The following DGKI variants were observed in gnomAD, a reference collection of about 807,000 sequenced individuals.
DGKI encodes DAG kinase iota.
In DGKI, 55 loss-of-function variants were observed where a neutral mutation model predicts 147.5. That is an observed-to-expected ratio of 0.37 (90% CI 0.30 to 0.47). The LOEUF (loss-of-function observed/expected upper bound fraction) is 0.47. Ranked by LOEUF, DGKI falls within the 20% of genes least tolerant of loss-of-function variation. The pLI, the probability that DGKI is intolerant of heterozygous loss-of-function variation, is 1.00. For synonymous variants in DGKI, 469 were observed against 477.1 expected (o/e 0.98, Z 0.22); for missense variants, 1,007 against 1,323.8 (o/e 0.76, Z 3.71).
intron 27 of DGKI, among the ~76,000 whole-genome samples, chr7:137,459,037 T>C (rs1354868579): frequency 1.3e-5 from 2 of 152,192 alleles, no homozygotes; most frequent in African/African-American, 4.8e-5. Flanking sequence ...GTATCCTACT[T>C]TGGAATTACA....
rs750514798 is a variant in DGKI, at chr7:137,552,516, A to C, written c.2000T>G (p.Val667Gly). Reference protein sequence around the residue: ...HGERLHQCREVMLLTYKSIPM... With the variant: ...HGERLHQCREGMLLTYKSIPM... ...GATGGATTTGTAAGTTAGAAGCATG[A>C]CTTCTCGACACTGGTGTAGCCTCTC... Residue 667 changes from valine (V) to glycine (G), a missense_variant, in exon 20 of 33, where the codon GTC (valine) becomes GGC (glycine). By Grantham distance (109) the Val-to-Gly change is moderately radical (BLOSUM62 -3). Coordinates refer to ENST00000614521, the MANE Select transcript of DGKI (RefSeq NM_001321708.2). 1.2e-6 allele frequency: 2 copies of C among 1,614,148 alleles called. No individual in the cohort carries two copies. The highest frequency in any genetic ancestry group is 2.7e-5 in the African/African-American group (2 of 75,014).
chr7:137,685,676 C>T (rs1436475295), intron 2 of DGKI, among the ~76,000 whole-genome samples: 2 of 152,170 alleles, frequency 1.3e-5, no homozygotes, highest in Admixed American at 6.5e-5. Context: ...ACTGGCTTGG[C>T]TGACAGGCAT....
chr7:137,833,451 C>G (rs867000425), intron 1 of DGKI, among the ~76,000 whole-genome samples: 12 of 152,174 alleles, frequency 7.9e-5, no homozygotes, highest in South Asian at 2.1e-4. Flanking sequence ...TATTCACTAT[C>G]ATGAGATCAT....
In DGKI at chr7:137,541,699, T is replaced by C. The variant is rs142424351; in HGVS notation, c.2147+10670A>G. 7.9e-5 allele frequency among the ~76,000 whole-genome samples: 12 copies of C among 152,198 alleles called. No individual in the cohort carries two copies. The East Asian group carries it at 2.3e-3, about 29-fold the overall frequency. ...TAAATGGTGCCAAATGCATTGGACATCCATATGCAAAAACATTAACCTCAA... is the reference window on the plus strand; with the variant it reads ...TAAATGGTGCCAAATGCATTGGACACCCATATGCAAAAACATTAACCTCAA... On this transcript the variant is annotated intron_variant, in intron 20 of 32. Transcript: ENST00000614521.
In DGKI at chr7:137,846,134, T is replaced by TTCTCTCTC. The variant is rs775814446; in HGVS notation, c.401+320_401+327dup. On this transcript the variant is annotated intron_variant, in intron 1 of 32. Coordinates refer to ENST00000614521, the MANE Select transcript of DGKI (RefSeq NM_001321708.2). The surrounding 1 kb of genome is among the most constrained non-coding windows in gnomAD (Gnocchi z 4.0). Reference sequence around the variant, plus strand: ...TCTGCAACCCTTTCTCTCTCTCTCTTTCTCTCTCTCTCTCTCTCTCTCTCT... The same window carrying TTCTCTCTC: ...TCTGCAACCCTTTCTCTCTCTCTCTTTCTCTCTCTCTCTCTCTCTCTCTCTCTCTCTCT... Among the ~76,000 whole-genome samples the TTCTCTCTC allele has an allele frequency of 0.15, 12,543 of 84,298 alleles. 1,313 individuals carry two copies. Among genetic ancestry groups the TTCTCTCTC allele is most frequent in the East Asian group, 0.29 (707 of 2,426 alleles). 55.3% of individuals were successfully genotyped at this position (84,298 alleles called of 152,430 possible). A position where few individuals can be genotyped will look rare whatever the true frequency, so the allele number is the denominator to read the frequency against.
At chr7:137,420,084 A>T (rs1251859681) in intron 28 of DGKI, among the ~76,000 whole-genome samples, 2 of 152,224 alleles carry the variant, frequency 1.3e-5, no homozygotes, top group Non-Finnish European at 2.9e-5. Flanking sequence ...GATCAGACAC[A>T]TGGCTAGTAA....
At chr7:137,702,432 C>T (rs1293533886) in intron 1 of DGKI, among the ~76,000 whole-genome samples, 1 of 152,176 alleles carries the variant, frequency 6.6e-6, no homozygotes, top group Admixed American at 6.5e-5. Context: ...CCCTGGAAAG[C>T]TGCTCCTCCA....
At chr7:137,783,212 T>A (rs569722369) in intron 1 of DGKI, among the ~76,000 whole-genome samples, 1 of 152,128 alleles carries the variant, frequency 6.6e-6, no homozygotes, top group East Asian at 1.9e-4. Context: ...GTAGTCCAAC[T>A]TAAACAAATC....
At chr7:137,793,138 T>C (rs536969864) in intron 1 of DGKI, among the ~76,000 whole-genome samples, 1 of 152,326 alleles carries the variant, frequency 6.6e-6, no homozygotes, top group East Asian at 1.9e-4. Context: ...TGTCTCTACT[T>C]TGTAATACTA....
At chr7:137,491,936 T>C (rs1563051367) in intron 21 of DGKI, among the ~76,000 whole-genome samples, 2 of 152,166 alleles carry the variant, frequency 1.3e-5, no homozygotes, top group Non-Finnish European at 2.9e-5. Flanking sequence ...CAAAGCACAG[T>C]CTAGAAAAGG....
chr7:137,830,975 T>C (rs914170935), intron 1 of DGKI, among the ~76,000 whole-genome samples: 1 of 152,212 alleles, frequency 6.6e-6, no homozygotes, highest in Non-Finnish European at 1.5e-5. Flanking sequence ...TGATAACTAC[T>C]CAGAGTTGTT....
At position 137,659,669 on chromosome 7, in the gene DGKI, A is replaced by C. The variant is rs573749825; in HGVS notation, c.607-3129T>G. ...CAGTAGGGGCCGGGAGCAGTGGCTC[A>C]TGCCTGTAATCCCAGCACTCTGGGA... On this transcript the variant is annotated intron_variant, in intron 3 of 32. Coordinates refer to ENST00000614521, the MANE Select transcript of DGKI (RefSeq NM_001321708.2). Among the ~76,000 whole-genome samples, 237 of 152,396 alleles carry C rather than the reference A, an allele frequency of 1.6e-3. 2 individuals are homozygous for C. The highest frequency in any genetic ancestry group is 5.5e-3 in the African/African-American group (227 of 41,602).
In DGKI at chr7:137,760,127, G is replaced by A. The variant is rs76680338; in HGVS notation, c.402-70125C>T. On this transcript the variant is annotated intron_variant, in intron 1 of 32. Coordinates refer to ENST00000614521, the MANE Select transcript of DGKI (RefSeq NM_001321708.2). Reference sequence around the variant, plus strand: ...CACTCCCTCTTTCTTTGAATCAGCAGAGCCCACCTCACCTACTAATCTTTC... The same window carrying A: ...CACTCCCTCTTTCTTTGAATCAGCAAAGCCCACCTCACCTACTAATCTTTC... 2.1e-3 allele frequency among the ~76,000 whole-genome samples: 313 copies of A among 152,132 alleles called. 4 individuals are homozygous for A. The East Asian group carries it at 0.04, about 19-fold the overall frequency.
intron 1 of DGKI, among the ~76,000 whole-genome samples, chr7:137,714,246 G>A (rs1340389425): frequency 6.6e-6 from 1 of 151,718 alleles, no homozygotes; most frequent in Non-Finnish European, 1.5e-5. Flanking sequence ...ATCCTTTATA[G>A]ATCTAAAATT....
intron 10 of DGKI, among the ~76,000 whole-genome samples, chr7:137,605,910 T>C (rs1820169812): frequency 6.6e-6 from 1 of 152,218 alleles, no homozygotes; most frequent in African/African-American, 2.4e-5. Flanking sequence ...GTGGGGTGAC[T>C]ATACTTAACA....
intron 19 of DGKI, among the ~76,000 whole-genome samples, chr7:137,570,593 A>ATTTTTTTTTTT (rs199646642): frequency 7.0e-6 from 1 of 143,326 alleles, no homozygotes; most frequent in Non-Finnish European, 1.5e-5. Context: ...CTATAGTGTA[A>ATTTTTTTTTTT]TTTTTTTTTT....
intron 30 of DGKI, 136 bp downstream of exon 30, chr7:137,407,739 G>A (rs1812010345): frequency 2.7e-6 from 3 of 1,121,592 alleles, no homozygotes; most frequent in Admixed American, 2.1e-5. Flanking sequence ...AAATAAGCAG[G>A]GGCAGAGTCT....
chr7:137,434,416 C>G (rs1023222785), intron 28 of DGKI, among the ~76,000 whole-genome samples: 2 of 151,850 alleles, frequency 1.3e-5, no homozygotes, highest in African/African-American at 4.8e-5. Context: ...CCTGTCTCCA[C>G]TAAAAAGACA....
intron 23 of DGKI, among the ~76,000 whole-genome samples, chr7:137,470,281 A>T (rs1814829156): frequency 6.6e-6 from 1 of 152,146 alleles, no homozygotes; most frequent in African/African-American, 2.4e-5. Context: ...TAGGCGTCTC[A>T]TTTCTATGAC....
Sources: allele counts gnomAD v4.1 joint callset (sites outside exome capture counted in the v4.1 genomes callset), GRCh38; gene constraint gnomAD v4.1.1; non-coding constraint Gnocchi (gnomAD v3.1); transcripts MANE v1.5; gene names NCBI Gene and HGNC (gene_info 2026-07-23, HGNC 2026-07-21).